The following PIK3CB variants were observed in gnomAD, a reference collection of about 807,000 sequenced individuals.
The protein encoded by PIK3CB is phosphatidylinositol 4,5-bisphosphate 3-kinase catalytic subunit beta isoform.
Under a neutral mutation model 136.8 loss-of-function variants are expected in PIK3CB, and 39 were observed. The observed-to-expected ratio is 0.29, with a 90% CI of 0.22 to 0.37. The LOEUF (loss-of-function observed/expected upper bound fraction) is 0.37. PIK3CB is among the 10% of genes least tolerant of loss of function. The pLI is 1.00. For missense variants in PIK3CB, 868 were observed against 1,275.4 expected (o/e 0.68, Z 4.87); for synonymous variants, 428 against 436.6 (o/e 0.98, Z 0.25).
At chr3:138,762,199 A>T (rs2045672372) in intron 2 of PIK3CB, among the ~76,000 whole-genome samples, 1 of 152,192 alleles carries the variant, frequency 6.6e-6, no homozygotes, top group South Asian at 2.1e-4. Context: ...CAGTGAGCAG[A>T]GATTGTGCCA....
chr3:138,694,690 G>C lies in PIK3CB; in HGVS notation c.1892+96C>G, dbSNP rs1047408668. 3.2e-6 allele frequency: 4 copies of C among 1,249,370 alleles called. No individual in the cohort carries two copies. The South Asian group carries it at 6.0e-5, about 19-fold the overall frequency. The allele number at this position is 1,249,370 out of a possible 1,614,324, so 77.4% of individuals were successfully genotyped here. A position where few individuals can be genotyped will look rare whatever the true frequency, so the allele number is the denominator to read the frequency against. ...TGCTTTGAACTGTGAATAATTCTGAGCCCTTTTCTTTCTTATGAGACATCA... is the reference window on the plus strand; with the variant it reads ...TGCTTTGAACTGTGAATAATTCTGACCCCTTTTCTTTCTTATGAGACATCA... On this transcript the variant is annotated intron_variant, in intron 14 of 23. Coordinates refer to ENST00000674063, the MANE Select transcript of PIK3CB (RefSeq NM_006219.3).
intron 14 of PIK3CB, among the ~76,000 whole-genome samples, chr3:138,694,069 A>G (rs9681642): frequency 0.03 from 4,454 of 149,152 alleles, 227 homozygotes; most frequent in African/African-American, 0.1. Context: ...GAGGTAACAC[A>G]GCAGGCTTGG....
chr3:138,781,431 T>G (rs934633353), intron 2 of PIK3CB, among the ~76,000 whole-genome samples: 1 of 151,594 alleles, frequency 6.6e-6, no homozygotes, highest in Non-Finnish European at 1.5e-5. Flanking sequence ...CTGGACAACA[T>G]AGTGAGACCC....
At chr3:138,718,307 G>T (rs1022656438) in intron 8 of PIK3CB, among the ~76,000 whole-genome samples, 1 of 152,116 alleles carries the variant, frequency 6.6e-6, no homozygotes, top group African/African-American at 2.4e-5. Flanking sequence ...GCATATGCTT[G>T]TTGGCCGCAT....
chr3:138,807,451 T>A (rs1323177234), intron 1 of PIK3CB, among the ~76,000 whole-genome samples: 1 of 151,976 alleles, frequency 6.6e-6, no homozygotes, highest in Non-Finnish European at 1.5e-5. Context: ...AAATAAATAA[T>A]AATAAAATGA....
chr3:138,826,409 A>G, intron 1 of PIK3CB: 1 of 1,280,034 alleles, frequency 7.8e-7, no homozygotes, highest in South Asian at 1.3e-5. Flanking sequence ...TCAATCAGCC[A>G]TTTAGGTTTA....
chr3:138,703,988 A>C (rs1041366674), intron 12 of PIK3CB, among the ~76,000 whole-genome samples: 1 of 152,226 alleles, frequency 6.6e-6, no homozygotes, highest in Non-Finnish European at 1.5e-5. Flanking sequence ...ATAGTAAAGT[A>C]GGAAGCTGAA....
At chr3:138,714,239 C>A (rs2044562620) in intron 9 of PIK3CB, among the ~76,000 whole-genome samples, 1 of 151,782 alleles carries the variant, frequency 6.6e-6, no homozygotes, top group South Asian at 2.1e-4. Flanking sequence ...AAAAGAAAAT[C>A]CATGGTAGAA....
chr3:138,793,605 C>CA (rs764415808), intron 2 of PIK3CB, among the ~76,000 whole-genome samples: 8,976 of 95,068 alleles, frequency 0.094, 339 homozygotes, highest in African/African-American at 0.16. Flanking sequence ...GACTCTGGCT[C>CA]AAAAAAAAAA....
intron 8 of PIK3CB, among the ~76,000 whole-genome samples, chr3:138,728,426 A>ATT (rs1250463501): frequency 6.6e-6 from 1 of 152,190 alleles, no homozygotes; most frequent in African/African-American, 2.4e-5. Context: ...TAAAAAGGCT[A>ATT]ACACATCTTG....
At chr3:138,750,615 G>A (rs2045452862) in intron 4 of PIK3CB, among the ~76,000 whole-genome samples, 1 of 152,180 alleles carries the variant, frequency 6.6e-6, no homozygotes, top group African/African-American at 2.4e-5. Flanking sequence ...AGGGAGCAGA[G>A]GAGAACCCCT....
At chr3:138,794,011 G>A (rs151298535) in intron 2 of PIK3CB, among the ~76,000 whole-genome samples, 2,197 of 152,234 alleles carry the variant, frequency 0.014, 46 homozygotes, top group Middle Eastern at 0.048. Flanking sequence ...TGCCCAGGCT[G>A]GAATGCAATG....
intron 13 of PIK3CB, among the ~76,000 whole-genome samples, chr3:138,697,552 C>T (rs2044164309): frequency 6.6e-6 from 1 of 152,082 alleles, no homozygotes; most frequent in Non-Finnish European, 1.5e-5. Context: ...CCTCCTGTCC[C>T]AACCTCCCGA....
At chr3:138,685,926 C>A (rs919008715) in intron 16 of PIK3CB, among the ~76,000 whole-genome samples, 11 of 152,090 alleles carry the variant, frequency 7.2e-5, no homozygotes, top group Non-Finnish European at 1.2e-4. Flanking sequence ...GAGTTGAGGC[C>A]AGGAGTTCAA....
At chr3:138,767,071 G>T (rs2045741533) in intron 2 of PIK3CB, among the ~76,000 whole-genome samples, 1 of 152,010 alleles carries the variant, frequency 6.6e-6, no homozygotes, top group Admixed American at 6.6e-5. Context: ...CTACTTGGGG[G>T]GCTGAGGCAG....
chr3:138,763,121 AGTATGTATGTAT>A (rs111529463), intron 2 of PIK3CB, among the ~76,000 whole-genome samples: 5 of 149,648 alleles, frequency 3.3e-5, no homozygotes, highest in South Asian at 2.2e-4. Context: ...AATGAAAGTT[AGTATGTATGTAT>A]GTATGTATGT....
chr3:138,810,245 CA>C (rs2108867132), intron 1 of PIK3CB, among the ~76,000 whole-genome samples: 1 of 152,190 alleles, frequency 6.6e-6, no homozygotes, highest in African/African-American at 2.4e-5. Context: ...CACAGAATTC[CA>C]AATACTTTGT....
chr3:138,701,465 AG>A (rs1168723053), intron 12 of PIK3CB, among the ~76,000 whole-genome samples: 1 of 152,170 alleles, frequency 6.6e-6, no homozygotes, highest in African/African-American at 2.4e-5. Flanking sequence ...CATTTTTTAA[AG>A]GAAATACTGA....
intron 7 of PIK3CB, among the ~76,000 whole-genome samples, chr3:138,733,801 C>T (rs2045042636): frequency 1.3e-5 from 2 of 152,044 alleles, no homozygotes; most frequent in African/African-American, 4.8e-5. Flanking sequence ...TGACATGAAC[C>T]CGGGAGGCGG....
Sources: gnomAD v4.1 joint callset for allele counts (sites outside exome capture counted in the v4.1 genomes callset) on GRCh38, gnomAD v4.1.1 for gene constraint, MANE v1.5 for transcripts, NCBI Gene and HGNC (gene_info 2026-07-23, HGNC 2026-07-21) for gene names.